The following CERS1 variants were observed in gnomAD, a reference collection of about 807,000 sequenced individuals.
The protein encoded by CERS1 is ceramide synthase 1, also known as Embryonic growth/differentiation factor 1.
Under a neutral mutation model 35.7 loss-of-function variants are expected in CERS1, and 16 were observed. That is an observed-to-expected ratio of 0.45 (90% CI 0.30 to 0.68). The LOEUF (loss-of-function observed/expected upper bound fraction) is 0.68. Ranked by LOEUF, CERS1 falls within the 30% of genes least tolerant of loss-of-function variation. The pLI is 0.08. For missense variants in CERS1, 454 were observed against 453.9 expected, an observed-to-expected ratio of 1.00 and a Z score of 0.00; for synonymous variants, 243 against 201.6, an observed-to-expected ratio of 1.21 and a Z score of -1.74.
intron 2 of CERS1, among the ~76,000 whole-genome samples, chr19:18,892,563 G>A (rs532060066): frequency 2.8e-4 from 43 of 152,080 alleles, no homozygotes; most frequent in African/African-American, 8.9e-4. Flanking sequence ...ACAGTGAGCC[G>A]AGATCGCGCC....
At chr19:18,877,815 C>A (rs891783939) in intron 6 of CERS1, 32 of 185,934 alleles carry the variant, frequency 1.7e-4, no homozygotes, top group Admixed American at 2.6e-4. Context: ...CAATCTAACA[C>A]CCTCAAAAGG....
chr19:18,871,223 AT>A (rs572877061), intron 6 of CERS1, among the ~76,000 whole-genome samples: 5,177 of 119,630 alleles, frequency 0.043, 198 homozygotes, highest in African/African-American at 0.11. Context: ...ACTCCCAGCA[AT>A]TTTTTTTTTT....
chr19:18,877,989 G>T, intron 6 of CERS1: 1 of 985,474 alleles, frequency 1.0e-6, no homozygotes, highest in Non-Finnish European at 1.2e-6. Context: ...TCCAAACAGG[G>T]TGGGGGGTCT....
At chr19:18,874,827 A>AGAT (rs1314326215) in intron 6 of CERS1, among the ~76,000 whole-genome samples, 1 of 152,180 alleles carries the variant, frequency 6.6e-6, no homozygotes, top group Non-Finnish European at 1.5e-5. Flanking sequence ...CAATGGGGTG[A>AGAT]GATGGGGTGA....
Position 18,870,286 on chromosome 19 carries a change from G to C in CERS1, c.*291C>G. On this transcript the variant is annotated 3_prime_UTR_variant, in exon 7 of 8. Transcript: ENST00000623882. The surrounding 1 kb of genome is among the most constrained non-coding windows in gnomAD (Gnocchi z 5.1). ...AGGAGGAGGAGGTGGTGGCCGCAGG[G>C]ACCTTGCTGCGGCGGTGGCATCTTC... The C allele has an allele frequency of 6.5e-7, 1 of 1,548,280 alleles. No homozygotes were observed. Among genetic ancestry groups the C allele is most frequent in the Non-Finnish European group, 8.7e-7 (1 of 1,148,044 alleles).
chr19:18,887,600 C>T (rs1601180872), intron 2 of CERS1, among the ~76,000 whole-genome samples: 1 of 152,012 alleles, frequency 6.6e-6, no homozygotes, highest in South Asian at 2.1e-4. Context: ...CAAAAATTAG[C>T]TGGGCATGGT....
chr19:18,870,041 CG>C lies in CERS1; in HGVS notation c.*535del. 1 of 1,595,462 alleles carries C rather than the reference CG, an allele frequency of 6.3e-7. No individual in the cohort carries two copies. The highest frequency in any genetic ancestry group is 1.1e-5 in the South Asian group (1 of 88,632). On this transcript the variant is annotated 3_prime_UTR_variant, in exon 7 of 8. Transcript: ENST00000623882. The surrounding 1 kb of genome is among the most constrained non-coding windows in gnomAD (Gnocchi z 5.1). ...CGACCCCCAGCTCCTCCACGTGGCA[CG>C]GTTGCAGGGTGACCCCTGGGGACGT...
At position 18,878,678 on chromosome 19, in the gene CERS1, A is replaced by C. The variant is rs1601161116; in HGVS notation, c.1010+252T>G. The C allele has an allele frequency of 1.5e-6, 2 of 1,319,214 alleles. No homozygotes were observed. Among genetic ancestry groups the C allele is most frequent in the Non-Finnish European group, 9.7e-7 (1 of 1,027,428 alleles). 81.7% of individuals were successfully genotyped at this position (1,319,214 alleles called of 1,614,324 possible). ...ACTAGGCCTGGCCCTCAGTGTCCCT[A>C]CCGCTGAGACCCTGCCTGTCGCCCT... On this transcript the variant is annotated intron_variant, in intron 6 of 7. Transcript: ENST00000623882. This position sits in a 1 kb window ranked among gnomAD's most constrained non-coding sequence, Gnocchi z 4.6.
rs916383400 is a variant in CERS1, at chr19:18,870,242, G to A, written c.*335C>T. Reference sequence around the variant, plus strand: ...CGGGGGCGCGGGTCAGGGGCAGCGAGGGCAGCAGCAGGGCCAGGAGGAGGA... The same window carrying A: ...CGGGGGCGCGGGTCAGGGGCAGCGAAGGCAGCAGCAGGGCCAGGAGGAGGA... On this transcript the variant is annotated 3_prime_UTR_variant, in exon 7 of 8. Transcript: ENST00000623882. The surrounding 1 kb of genome is among the most constrained non-coding windows in gnomAD (Gnocchi z 5.1). The A allele has an allele frequency of 4.5e-6, 7 of 1,551,004 alleles. No individual in the cohort carries two copies. The highest frequency in any genetic ancestry group is 2.0e-5 in the Admixed American group (1 of 51,124).
Position 18,878,656 on chromosome 19 carries a change from A to C in CERS1, c.1010+274T>G, listed in dbSNP as rs1339219391. 3.8e-5 allele frequency: 48 copies of C among 1,258,830 alleles called. No individual in the cohort carries two copies. In the South Asian group the frequency reaches 7.3e-4, roughly 19 times the overall value. The allele number at this position is 1,258,830 out of a possible 1,614,324, so 78.0% of individuals were successfully genotyped here. A position where few individuals can be genotyped will look rare whatever the true frequency, so the allele number is the denominator to read the frequency against. On this transcript the variant is annotated intron_variant, in intron 6 of 7. Coordinates refer to ENST00000623882, the MANE Select transcript of CERS1 (RefSeq NM_021267.5). This position sits in a 1 kb window ranked among gnomAD's most constrained non-coding sequence, Gnocchi z 4.6. ...CGCCACTCCCGCCACACCAGCCACT[A>C]GGCCTGGCCCTCAGTGTCCCTACCG... is the stretch of plus-strand genomic sequence containing the variant.
intron 1 of CERS1, among the ~76,000 whole-genome samples, chr19:18,894,286 C>T (rs1351553205): frequency 1.3e-5 from 2 of 151,940 alleles, no homozygotes; most frequent in Non-Finnish European, 2.9e-5. Flanking sequence ...CAGAGCTGCC[C>T]GGCCAAGCCC....
intron 2 of CERS1, among the ~76,000 whole-genome samples, chr19:18,891,861 G>A (rs1004555431): frequency 4.8e-5 from 7 of 147,138 alleles, no homozygotes; most frequent in African/African-American, 1.3e-4. Flanking sequence ...GTGAGCCAGT[G>A]AGCCACCACG....
Position 18,892,877 on chromosome 19 carries a change from A to AG in CERS1, c.409+538dup, listed in dbSNP as rs35104754. ...CTGGCTTAACTTCTGAGACACCCATAGGAGCTCTGATTCTGATAAGCATCC... is the reference window on the plus strand; with the variant it reads ...CTGGCTTAACTTCTGAGACACCCATAGGGAGCTCTGATTCTGATAAGCATCC... On this transcript the variant is annotated intron_variant, in intron 2 of 7. Coordinates refer to ENST00000623882, the MANE Select transcript of CERS1 (RefSeq NM_021267.5). Among the ~76,000 whole-genome samples the AG allele has an allele frequency of 5.0e-4, 76 of 152,144 alleles. No homozygotes were observed. The East Asian group carries it at 0.011, about 22-fold the overall frequency.
chr19:18,894,593 G>GCCCTCCTGGGTCTCGGGCTTC (rs1401490222), intron 1 of CERS1, among the ~76,000 whole-genome samples: 1 of 152,082 alleles, frequency 6.6e-6, no homozygotes, highest in East Asian at 1.9e-4. Flanking sequence ...GGGACGGCTT[G>GCCCTCCTGGGTCTCGGGCTTC]CCCTCCTGGG....
rs758909307 is a variant in CERS1 at position 18,879,393 on chromosome 19, G to A, written c.753-5C>T. 18 of 1,557,750 alleles carry A rather than the reference G, an allele frequency of 1.2e-5. No homozygotes were observed. The highest frequency in any genetic ancestry group is 1.1e-4 in the South Asian group (9 of 84,610). On this transcript the variant is annotated splice_region_variant and splice_polypyrimidine_tract_variant and intron_variant, in intron 4 of 7. Transcript: ENST00000623882. ...CAGTAGAGGCGGAACCAGAACCTGC[G>A]GTGGGAGGAGTCAGGAGGCCGTGGG...
chr19:18,890,084 A>T (rs1353216153), intron 2 of CERS1, among the ~76,000 whole-genome samples: 1 of 152,128 alleles, frequency 6.6e-6, no homozygotes, highest in Non-Finnish European at 1.5e-5. Flanking sequence ...CCCAGCCCAC[A>T]GATAAGTAAC....
chr19:18,872,586 G>C (rs1156737709), intron 6 of CERS1, among the ~76,000 whole-genome samples: 1 of 152,034 alleles, frequency 6.6e-6, no homozygotes, highest in Non-Finnish European at 1.5e-5. Context: ...CACGATCTTG[G>C]CTCACTGCAA....
At chr19:18,869,774 G>A (rs1432068605) in intron 7 of CERS1, among the ~76,000 whole-genome samples, 1 of 152,142 alleles carries the variant, frequency 6.6e-6, no homozygotes, top group Non-Finnish European at 1.5e-5. Context: ...TCAAGCAGAA[G>A]GACTGGTCTT....
Position 18,868,608 on chromosome 19 carries a change from C to A in CERS1, c.*1377G>T. 1 of 1,560,408 alleles carries A rather than the reference C, an allele frequency of 6.4e-7. No individual in the cohort carries two copies. Among genetic ancestry groups the A allele is most frequent in the Admixed American group, 1.9e-5 (1 of 52,786 alleles). On this transcript the variant is annotated 3_prime_UTR_variant, in exon 8 of 8. Transcript: ENST00000623882. Reference sequence around the variant, plus strand: ...CTGCCCGCCCCGGGTTAGCGGCAGCCGCACTCGTCCACCACCATGTCCTCA... The same window carrying A: ...CTGCCCGCCCCGGGTTAGCGGCAGCAGCACTCGTCCACCACCATGTCCTCA...
Sources: allele counts gnomAD v4.1 joint callset (sites outside exome capture counted in the v4.1 genomes callset), GRCh38; gene constraint gnomAD v4.1.1; non-coding constraint Gnocchi (gnomAD v3.1); transcripts MANE v1.5; gene names NCBI Gene and HGNC (gene_info 2026-07-23, HGNC 2026-07-21).